WDFY1: variants seen among roughly 807,000 people sequenced by gnomAD.
WDFY1 encodes the protein WD repeat and FYVE domain-containing protein 1.
In WDFY1, 32 loss-of-function variants were observed where a neutral mutation model predicts 56.4. That is an observed-to-expected ratio of 0.57 (90% CI 0.43 to 0.76). The LOEUF is 0.76. Among genes scored for constraint, WDFY1 ranks in the 30% least tolerant of loss-of-function variants. The pLI, the probability that WDFY1 is intolerant of heterozygous loss-of-function variation, is 0.00. For synonymous variants in WDFY1, 192 were observed against 197.3 expected (o/e 0.97, Z 0.23); for missense variants, 480 against 545.7 (o/e 0.88, Z 1.20).
chr2:223,879,719 C>G (rs899556582), intron 11 of WDFY1, among the ~76,000 whole-genome samples: 7 of 151,888 alleles, frequency 4.6e-5, no homozygotes, highest in African/African-American at 1.5e-4. Context: ...GTGTTAGTGA[C>G]CCAGGGATTT....
chr2:223,914,890 G>A (rs1002344093), intron 2 of WDFY1, among the ~76,000 whole-genome samples: 3 of 152,072 alleles, frequency 2.0e-5, no homozygotes, highest in Admixed American at 6.6e-5. Flanking sequence ...GTGAGGTAAT[G>A]TTATAGAACA....
At chr2:223,934,175 G>A (rs977068610) in intron 1 of WDFY1, among the ~76,000 whole-genome samples, 2 of 146,240 alleles carry the variant, frequency 1.4e-5, no homozygotes, top group African/African-American at 5.1e-5. Context: ...TGCAACCTCC[G>A]CTTCCCAAGT....
intron 10 of WDFY1, among the ~76,000 whole-genome samples, chr2:223,881,377 G>C (rs779285881): frequency 2.6e-4 from 40 of 152,174 alleles, no homozygotes; most frequent in Non-Finnish European, 5.4e-4. Context: ...CTCAGTTACT[G>C]GACCATGTAA....
intron 10 of WDFY1, 21 bp downstream of exon 10, chr2:223,881,921 C>A (rs772868056): frequency 1.2e-6 from 2 of 1,611,978 alleles, no homozygotes; most frequent in South Asian, 2.2e-5. Flanking sequence ...GGCAATGAGA[C>A]AAAAATATGC....
rs1414832984 is a variant in WDFY1 at position 223,931,169 on chromosome 2, C to G, written c.138-13159G>C. On this transcript the variant is annotated intron_variant, in intron 1 of 11. Coordinates refer to ENST00000233055, the MANE Select transcript of WDFY1 (RefSeq NM_020830.5). ...ATTTTAAAGTAGATAGTACGAATAA[C>G]TCCATTTCAACTCTTAATTGAAATA... 3.9e-5 allele frequency among the ~76,000 whole-genome samples: 6 copies of G among 152,338 alleles called. No homozygotes were observed. The East Asian group carries it at 1.2e-3, about 29-fold the overall frequency.
intron 1 of WDFY1, among the ~76,000 whole-genome samples, chr2:223,927,914 G>C (rs954555484): frequency 2.0e-5 from 3 of 152,100 alleles, no homozygotes; most frequent in Non-Finnish European, 4.4e-5. Context: ...GAATAAGGAG[G>C]CCTGGGGGGA....
intron 1 of WDFY1, among the ~76,000 whole-genome samples, chr2:223,929,189 GT>G (rs566936287): frequency 0.01 from 297 of 28,924 alleles, no homozygotes; most frequent in Middle Eastern, 0.045. Flanking sequence ...TCTGTTTTTT[GT>G]TTTTTTTTTT....
chr2:223,926,855 C>G (rs63452060), intron 1 of WDFY1, among the ~76,000 whole-genome samples: 127,358 of 151,512 alleles, frequency 0.84, 54,254 homozygotes, highest in Non-Finnish European at 0.93. Context: ...TTTAGTAGAG[C>G]CGGGATTTTG....
Position 223,942,223 on chromosome 2 carries a change from CT to C in WDFY1, c.137+2924del, listed in dbSNP as rs777737121. On this transcript the variant is annotated intron_variant, in intron 1 of 11. Coordinates refer to ENST00000233055, the MANE Select transcript of WDFY1 (RefSeq NM_020830.5). ...TATTTGACCGAATAAAGGCTGCTAA[CT>C]TTTTTTTTTTTTTGATACGGAGTCT... Among the ~76,000 whole-genome samples the C allele has an allele frequency of 2.0e-3, 299 of 146,232 alleles. 1 individual carries two copies. Among genetic ancestry groups the C allele is most frequent in the Non-Finnish European group, 1.9e-3 (125 of 65,996 alleles).
Position 223,879,305 on chromosome 2 carries a change from A to AT in WDFY1, c.1174-576dup, listed in dbSNP as rs952398957. Among the ~76,000 whole-genome samples, 165 of 150,460 alleles carry AT rather than the reference A, an allele frequency of 1.1e-3. 3 individuals are homozygous for AT. The highest frequency in any genetic ancestry group is 2.5e-4 in the Non-Finnish European group (17 of 67,426). On this transcript the variant is annotated intron_variant, in intron 11 of 11. Transcript: ENST00000233055. ...ATAATAATGTTTTAGTATAAATTCA[A>AT]TTTTTTTTTTAGAAAAGCCCATCAG...
chr2:223,883,164 C>CATA (rs891261779), intron 9 of WDFY1, among the ~76,000 whole-genome samples: 6 of 152,182 alleles, frequency 3.9e-5, no homozygotes, highest in Non-Finnish European at 8.8e-5. Flanking sequence ...GGATTACAGG[C>CATA]ATAAGCCATC....
intron 4 of WDFY1, among the ~76,000 whole-genome samples, chr2:223,902,051 G>T (rs369363811): frequency 2.6e-5 from 4 of 152,308 alleles, no homozygotes; most frequent in African/African-American, 9.6e-5. Flanking sequence ...GCATGTAGTA[G>T]ATGTTTAATA....
At chr2:223,944,801 A>G (rs1347872064) in intron 1 of WDFY1, among the ~76,000 whole-genome samples, 1 of 146,408 alleles carries the variant, frequency 6.8e-6, no homozygotes, top group Non-Finnish European at 1.5e-5. Context: ...GGTAGGGCGC[A>G]CTGGAACAGG....
intron 1 of WDFY1, among the ~76,000 whole-genome samples, chr2:223,928,513 C>T (rs1194232467): frequency 6.6e-6 from 1 of 152,102 alleles, no homozygotes; most frequent in Non-Finnish European, 1.5e-5. Flanking sequence ...ACCGACCTCC[C>T]CAGTGAGCCA....
At chr2:223,909,615 C>T (rs1574769918) in intron 3 of WDFY1, among the ~76,000 whole-genome samples, 2 of 152,222 alleles carry the variant, frequency 1.3e-5, no homozygotes, top group South Asian at 2.1e-4. Flanking sequence ...CAACTGCCTC[C>T]CCCACCCAGC....
chr2:223,882,000 C>CCATG lies in WDFY1; in HGVS notation c.1002_1005dup (p.Gly336HisfsTer11). ...CAAACCCGGACTTGGAACTCGAAGC[C>CCATG]CATGACTGGGTAACTTGAGCGCTTG... is the stretch of plus-strand genomic sequence containing the variant. On this transcript the variant is annotated frameshift_variant, in exon 10 of 12. Coordinates refer to ENST00000233055, the MANE Select transcript of WDFY1 (RefSeq NM_020830.5). LOFTEE classifies it high-confidence loss of function. The CCATG allele has an allele frequency of 6.2e-7, 1 of 1,614,080 alleles. No individual in the cohort carries two copies. Among genetic ancestry groups the CCATG allele is most frequent in the Non-Finnish European group, 8.5e-7 (1 of 1,179,966 alleles).
chr2:223,894,968 G>A (rs1693338590), intron 7 of WDFY1, among the ~76,000 whole-genome samples: 1 of 152,202 alleles, frequency 6.6e-6, no homozygotes, highest in Admixed American at 6.5e-5. Flanking sequence ...AGGTGAAGAT[G>A]TATTTCTTTT....
rs777780081 is a variant in WDFY1, at chr2:223,895,487, C to A, written c.725+17G>T. The A allele has an allele frequency of 6.2e-7, 1 of 1,613,634 alleles. No individual in the cohort carries two copies. Among genetic ancestry groups the A allele is most frequent in the African/African-American group, 1.3e-5 (1 of 74,876 alleles). ...CTAACTCGGATTCTTTCCCCACCCC[C>A]ACAAGTGGTCACGCACTGATGGCCC... On this transcript the variant is annotated intron_variant, in intron 7 of 11. Coordinates refer to ENST00000233055, the MANE Select transcript of WDFY1 (RefSeq NM_020830.5).
At chr2:223,896,745 C>A (rs1313083603) in intron 6 of WDFY1, among the ~76,000 whole-genome samples, 1 of 152,134 alleles carries the variant, frequency 6.6e-6, no homozygotes, top group Non-Finnish European at 1.5e-5. Context: ...ATACACTTTC[C>A]AAAAACAGAA....
Sources: allele counts gnomAD v4.1 joint callset (sites outside exome capture counted in the v4.1 genomes callset), GRCh38; gene constraint gnomAD v4.1.1; transcripts MANE v1.5; gene names NCBI Gene and HGNC (gene_info 2026-07-23, HGNC 2026-07-21).